MICAL3: variants seen among roughly 807,000 people sequenced by gnomAD.
MICAL3 encodes the protein microtubule associated monooxygenase, calponin and LIM domain containing 3.
Under a neutral mutation model 207.4 loss-of-function variants are expected in MICAL3, and 62 were observed. That is an observed-to-expected ratio of 0.30 (90% CI 0.24 to 0.37). The LOEUF (loss-of-function observed/expected upper bound fraction) is 0.37, where lower values mean the gene tolerates loss of function less well. MICAL3 is among the 10% of genes least tolerant of loss of function. MICAL3 has a pLI of 1.00. For synonymous variants in MICAL3, 1,077 were observed against 1,069.3 expected (o/e 1.01, Z -0.14); for missense variants, 2,368 against 2,635.6 (o/e 0.90, Z 2.22).
At chr22:18,003,623 C>T (rs983178489) in intron 1 of MICAL3, among the ~76,000 whole-genome samples, 1 of 152,192 alleles carries the variant, frequency 6.6e-6, no homozygotes, top group Non-Finnish European at 1.5e-5. Flanking sequence ...TGTTTTAGAG[C>T]TTTACACCAG....
intron 19 of MICAL3, chr22:17,860,686 GT>G: frequency 3.0e-6 from 3 of 985,446 alleles, no homozygotes; most frequent in Non-Finnish European, 3.6e-6. Flanking sequence ...CCGGCTCTCC[GT>G]GGTGTCCTGG....
Position 17,810,613 on chromosome 22 carries a change from G to C in MICAL3, c.5556+90C>G, listed in dbSNP as rs1449529012. Reference sequence around the variant, plus strand: ...CTACCTCTGCTCTGCTCTGCACTGTGCTTGTGTGGCAGGGAGCAGCTGGGT... The same window carrying C: ...CTACCTCTGCTCTGCTCTGCACTGTCCTTGTGTGGCAGGGAGCAGCTGGGT... On this transcript the variant is annotated intron_variant, in intron 28 of 31. Coordinates refer to ENST00000441493, the MANE Select transcript of MICAL3 (RefSeq NM_015241.3). 8 of 1,057,564 alleles carry C rather than the reference G, an allele frequency of 7.6e-6. No individual in the cohort carries two copies. The Admixed American group carries it at 1.5e-4, about 19-fold the overall frequency. 65.5% of individuals were successfully genotyped at this position (1,057,564 alleles called of 1,614,324 possible).
chr22:17,957,260 C>T (rs1076541), intron 1 of MICAL3, among the ~76,000 whole-genome samples: 25,190 of 152,156 alleles, frequency 0.17, 2,460 homozygotes, highest in Middle Eastern at 0.26. Flanking sequence ...GTAGAAGGAA[C>T]GAGACAAAAT....
At chr22:17,878,818 G>A (rs1354983951) in intron 16 of MICAL3, among the ~76,000 whole-genome samples, 3 of 152,104 alleles carry the variant, frequency 2.0e-5, no homozygotes, top group African/African-American at 7.2e-5. Flanking sequence ...CTTTCCACGG[G>A]TACAGCCCCA....
intron 19 of MICAL3, among the ~76,000 whole-genome samples, chr22:17,851,320 G>A (rs952774915): frequency 5.3e-5 from 8 of 152,110 alleles, no homozygotes; most frequent in African/African-American, 9.7e-5. Context: ...TTCTGCCGTC[G>A]TTACCCGATC....
intron 19 of MICAL3, 76 bp from the exon 20 acceptor site, chr22:17,842,093 G>A (rs1924072412): frequency 7.2e-7 from 1 of 1,389,150 alleles, no homozygotes; most frequent in South Asian, 1.3e-5. Context: ...TGACACCCAG[G>A]CTGCAGGCCC....
intron 16 of MICAL3, among the ~76,000 whole-genome samples, chr22:17,874,007 T>C (rs1927997268): frequency 6.6e-6 from 1 of 152,180 alleles, no homozygotes; most frequent in Non-Finnish European, 1.5e-5. Context: ...CCTTAGGACA[T>C]GGCCTGAATG....
At chr22:17,984,766 T>C (rs1395487265) in intron 1 of MICAL3, among the ~76,000 whole-genome samples, 2 of 152,256 alleles carry the variant, frequency 1.3e-5, no homozygotes, top group Non-Finnish European at 2.9e-5. Flanking sequence ...ATTTTATAAA[T>C]ATAAATTCAT....
At chr22:17,946,179 A>G (rs1279581404) in intron 1 of MICAL3, among the ~76,000 whole-genome samples, 1 of 152,150 alleles carries the variant, frequency 6.6e-6, no homozygotes, top group Non-Finnish European at 1.5e-5. Context: ...GATGCTCTTG[A>G]CAGTTTTAAC....
At position 17,977,899 on chromosome 22, in the gene MICAL3, G is replaced by A. The variant is rs111891041; in HGVS notation, c.-75+46382C>T. ...TAGCCAGGCATGGTGGTGCATGCCT[G>A]TAACCCCAGCTACTCGGGAGGCTGA... On this transcript the variant is annotated intron_variant, in intron 1 of 31. Transcript: ENST00000441493. Among the ~76,000 whole-genome samples the A allele has an allele frequency of 2.1e-4, 32 of 152,188 alleles. No homozygotes were observed. In the East Asian group the frequency reaches 3.7e-3, roughly 17 times the overall value.
chr22:17,834,940 C>T (rs2146051512), intron 20 of MICAL3, among the ~76,000 whole-genome samples: 1 of 152,360 alleles, frequency 6.6e-6, no homozygotes. Context: ...CCTGGTTCCT[C>T]TTTCCCAGCT....
intron 19 of MICAL3, among the ~76,000 whole-genome samples, chr22:17,857,735 G>A (rs768697757): frequency 1.8e-4 from 28 of 152,234 alleles, no homozygotes; most frequent in Non-Finnish European, 3.1e-4. Context: ...GCGGAGCTGG[G>A]GCCCTAGATT....
chr22:17,793,470 C>T lies in MICAL3; in HGVS notation c.5651-2169G>A, dbSNP rs1346046080. Among the ~76,000 whole-genome samples, 1 of 152,210 alleles carries T rather than the reference C, an allele frequency of 6.6e-6. No individual in the cohort carries two copies. The highest frequency in any genetic ancestry group is 1.5e-5 in the Non-Finnish European group (1 of 68,038). The stretch of plus-strand genomic sequence containing the variant: ...GACTTAAAGCCCCAGCCACGAAGGG[C>T]CAGCCAATGCTGCAGCCCTGAAGGA... On this transcript the variant is annotated intron_variant, in intron 29 of 31. Transcript: ENST00000441493. The surrounding 1 kb of genome is among the most constrained non-coding windows in gnomAD (Gnocchi z 4.1).
intron 1 of MICAL3, among the ~76,000 whole-genome samples, chr22:18,023,024 C>T (rs912735942): frequency 3.3e-5 from 5 of 152,206 alleles, no homozygotes; most frequent in Non-Finnish European, 1.5e-5. Context: ...CCTGCCAGCT[C>T]TCTTTGCCTG....
chr22:17,976,296 T>G (rs1463988544), intron 1 of MICAL3, among the ~76,000 whole-genome samples: 2 of 151,992 alleles, frequency 1.3e-5, no homozygotes, highest in Non-Finnish European at 2.9e-5. Context: ...CTAGAGTAAA[T>G]AAAGCTGAAA....
intron 3 of MICAL3, among the ~76,000 whole-genome samples, chr22:17,903,838 C>T (rs1931516325): frequency 6.6e-6 from 1 of 152,232 alleles, no homozygotes; most frequent in African/African-American, 2.4e-5. Context: ...TTACAGGACA[C>T]ATCTGGAGAA....
At chr22:17,989,327 C>T (rs937921741) in intron 1 of MICAL3, among the ~76,000 whole-genome samples, 1 of 152,200 alleles carries the variant, frequency 6.6e-6, no homozygotes, top group Non-Finnish European at 1.5e-5. Context: ...CTGTGCTCTG[C>T]TCCCACAGCT....
chr22:17,950,894 G>A (rs973230583), intron 1 of MICAL3, among the ~76,000 whole-genome samples: 11 of 152,162 alleles, frequency 7.2e-5, no homozygotes, highest in African/African-American at 2.2e-4. Context: ...ACAGCCTCTC[G>A]CCAAAGAATG....
At chr22:17,938,657 C>G (rs1933661939) in intron 1 of MICAL3, among the ~76,000 whole-genome samples, 1 of 152,148 alleles carries the variant, frequency 6.6e-6, no homozygotes, top group African/African-American at 2.4e-5. Flanking sequence ...TAAGCTGATG[C>G]TTTGATACCC....
Sources: gnomAD v4.1 joint callset for allele counts (sites outside exome capture counted in the v4.1 genomes callset) on GRCh38, gnomAD v4.1.1 for gene constraint, Gnocchi (gnomAD v3.1) non-coding constraint, MANE v1.5 for transcripts, NCBI Gene and HGNC (gene_info 2026-07-23, HGNC 2026-07-21) for gene names.